The following RB1CC1 variants were observed in gnomAD, a reference collection of about 807,000 sequenced individuals.
RB1CC1 encodes the protein RB1-inducible coiled-coil protein 1.
In RB1CC1, 46 loss-of-function variants were observed where a neutral mutation model predicts 177.5. The observed-to-expected ratio is 0.26, with a 90% CI of 0.20 to 0.33. The LOEUF (loss-of-function observed/expected upper bound fraction) is 0.33. Ranked by LOEUF, RB1CC1 falls within the 10% of genes least tolerant of loss-of-function variation. The pLI, the probability that RB1CC1 is intolerant of heterozygous loss-of-function variation, is 1.00. For missense variants in RB1CC1, 1,703 were observed against 1,816.3 expected (o/e 0.94, Z 1.13); for synonymous variants, 666 against 613.6 (o/e 1.09, Z -1.26).
intron 5 of RB1CC1, among the ~76,000 whole-genome samples, chr8:52,678,780 G>C (rs1461127328): frequency 6.6e-6 from 1 of 152,178 alleles, no homozygotes; most frequent in Non-Finnish European, 1.5e-5. Flanking sequence ...ACAATGATAT[G>C]AATGTAAAGA....
At chr8:52,644,555 T>C (rs1465648468) in intron 16 of RB1CC1, among the ~76,000 whole-genome samples, 1 of 152,192 alleles carries the variant, frequency 6.6e-6, no homozygotes, top group African/African-American at 2.4e-5. Flanking sequence ...GACCTCCTCA[T>C]TGTTAATTCT....
At chr8:52,645,397 G>A (rs1258595745) in intron 16 of RB1CC1, among the ~76,000 whole-genome samples, 2 of 152,138 alleles carry the variant, frequency 1.3e-5, no homozygotes, top group Non-Finnish European at 2.9e-5. Flanking sequence ...CACATAGGTA[G>A]CGAAGAAACC....
chr8:52,630,451 A>T lies in RB1CC1; in HGVS notation c.4499+19T>A. 6.4e-7 allele frequency: 1 copy of T among 1,559,962 alleles called. No homozygotes were observed. The highest frequency in any genetic ancestry group is 1.4e-5 in the African/African-American group (1 of 71,960). Reference sequence around the variant, plus strand: ...GAATGTTTTTCACAGAAAAATACTCACAAAACTAAAATACTTACTCTCTAA... The same window carrying T: ...GAATGTTTTTCACAGAAAAATACTCTCAAAACTAAAATACTTACTCTCTAA... On this transcript the variant is annotated intron_variant, in intron 21 of 23. Coordinates refer to ENST00000025008, the MANE Select transcript of RB1CC1 (RefSeq NM_014781.5).
intron 20 of RB1CC1, among the ~76,000 whole-genome samples, chr8:52,633,651 A>C (rs1848920447): frequency 6.6e-6 from 1 of 152,248 alleles, no homozygotes; most frequent in South Asian, 2.1e-4. Flanking sequence ...AGAAGCCTTA[A>C]ACTGTTCCTA....
chr8:52,657,669 G>A lies in RB1CC1; in HGVS notation c.2160C>T (p.Asp720=). The A allele has an allele frequency of 1.9e-6, 3 of 1,614,112 alleles. No homozygotes were observed. The highest frequency in any genetic ancestry group is 8.5e-7 in the Non-Finnish European group (1 of 1,180,008). ...IEQTIHQVSL[D]LDSLAESPES... ...CAGGACTTTCTGCTAATGAATCCAA[G>A]TCTAAAGAAACTTGGTGAATAGTCT... is the stretch of plus-strand genomic sequence containing the variant. The change falls in exon 15 of 24, where the codon GAC becomes GAT. Residue 720 remains aspartate (D), a synonymous_variant. Transcript: ENST00000025008.
intron 16 of RB1CC1, among the ~76,000 whole-genome samples, chr8:52,643,976 C>T (rs773948740): frequency 3.3e-5 from 5 of 151,880 alleles, no homozygotes; most frequent in Non-Finnish European, 5.9e-5. Context: ...ACAAAGCATA[C>T]AGGAAGATCT....
At position 52,656,143 on chromosome 8, in the gene RB1CC1, T is replaced by C. The variant is rs951480668; in HGVS notation, c.3686A>G (p.Gln1229Arg). Residue 1229 changes from glutamine (Q) to arginine (R), a missense_variant, in exon 15 of 24, where the codon CAG (glutamine) becomes CGG (arginine). By Grantham distance (43) the Gln-to-Arg change is conservative. Coordinates refer to ENST00000025008, the MANE Select transcript of RB1CC1 (RefSeq NM_014781.5). ...LVSSQEQDRE[Q>R]LIQKLNCEKD... ...TTCACAATTAAGCTTCTGAATTAAC[T>C]GTTCTCTGTCTTGCTCCTGGCTGCT... 2 of 1,613,782 alleles carry C rather than the reference T, an allele frequency of 1.2e-6. No individual in the cohort carries two copies. The highest frequency in any genetic ancestry group is 1.7e-6 in the Non-Finnish European group (2 of 1,179,890).
Position 52,714,382 on chromosome 8 carries a change from G to T in RB1CC1, c.-474C>A, listed in dbSNP as rs1281814889. On this transcript the variant is annotated 5_prime_UTR_variant, in exon 1 of 24. Transcript: ENST00000025008. Reference sequence around the variant, plus strand: ...CTGGGGGATTCTGAGGCAACGCCGAGGGCTCGGCAGGGCCGCGGACACCGC... The same window carrying T: ...CTGGGGGATTCTGAGGCAACGCCGATGGCTCGGCAGGGCCGCGGACACCGC... 1 of 152,778 alleles carries T rather than the reference G, an allele frequency of 6.5e-6. No homozygotes were observed. Among genetic ancestry groups the T allele is most frequent in the Admixed American group, 6.5e-5 (1 of 15,288 alleles). The allele number at this position is 152,778 out of a possible 1,614,324, so 9.5% of individuals were successfully genotyped here. A position where few individuals can be genotyped will look rare whatever the true frequency, so the allele number is the denominator to read the frequency against.
chr8:52,628,043 G>C lies in RB1CC1; in HGVS notation c.4625C>G (p.Pro1542Arg), dbSNP rs1848518581. The C allele has an allele frequency of 1.3e-6, 2 of 1,595,428 alleles. No homozygotes were observed. The highest frequency in any genetic ancestry group is 1.7e-6 in the Non-Finnish European group (2 of 1,171,920). ...GGAATGACACTTACCACCCTCACCT[G>C]GTTTGAGATCCAGGGCAGGTAGAGA... ...SESLPALDLKPGEGASGASRR... is the reference protein window; with the variant it reads ...SESLPALDLKRGEGASGASRR... The change falls in exon 22 of 24, where the codon CCA (proline) becomes CGA (arginine). Residue 1542 changes from proline (P) to arginine (R), a missense_variant. By Grantham distance (103) the Pro-to-Arg change is moderately radical. Coordinates refer to ENST00000025008, the MANE Select transcript of RB1CC1 (RefSeq NM_014781.5).
Position 52,657,076 on chromosome 8 carries a change from T to G in RB1CC1, c.2753A>C (p.His918Pro). Residue 918 changes from histidine (H) to proline (P), a missense_variant, in exon 15 of 24, where the codon CAT becomes CCT. This residue lies in a region of RB1CC1 where 1,169 missense variants were observed against 1,184.7 expected (regional missense o/e 0.99). Coordinates refer to ENST00000025008, the MANE Select transcript of RB1CC1 (RefSeq NM_014781.5). ...CAGGCAGATTACAGCTTCTTTTTCA[T>G]GTTTAACCAAAGCAAATTCATTATC... Reference protein sequence around the residue: ...NKDNEFALVKHEKEAVICLQN... With the variant: ...NKDNEFALVKPEKEAVICLQN... 6.2e-7 allele frequency: 1 copy of G among 1,611,818 alleles called. No individual in the cohort carries two copies. Among genetic ancestry groups the G allele is most frequent in the Non-Finnish European group, 8.5e-7 (1 of 1,179,534 alleles).
intron 18 of RB1CC1, among the ~76,000 whole-genome samples, chr8:52,637,658 C>CATGCATTTATTTATTTATTT (rs1554526892): frequency 1.3e-5 from 2 of 151,176 alleles, no homozygotes; most frequent in African/African-American, 4.9e-5. Context: ...AATCTAGATG[C>CATGCATTTATTTATTTATTT]ATTTATTTAT....
chr8:52,706,903 C>T (rs1856611922), intron 1 of RB1CC1, among the ~76,000 whole-genome samples: 1 of 152,088 alleles, frequency 6.6e-6, no homozygotes. Context: ...CCCAAGTGAT[C>T]TGTCTGCCTC....
At chr8:52,713,287 A>AAT (rs1346320808) in intron 1 of RB1CC1, among the ~76,000 whole-genome samples, 2 of 152,364 alleles carry the variant, frequency 1.3e-5, no homozygotes, top group African/African-American at 4.8e-5. Flanking sequence ...CCACACTTTA[A>AAT]AGAGTCATGA....
intron 21 of RB1CC1, 98 bp from the exon 22 acceptor site, chr8:52,628,266 G>T: frequency 8.6e-7 from 1 of 1,165,006 alleles, no homozygotes; most frequent in Non-Finnish European, 1.2e-6. Flanking sequence ...TACATATTAA[G>T]ATATTAATGC....
At chr8:52,690,783 T>C (rs112052200) in intron 1 of RB1CC1, among the ~76,000 whole-genome samples, 13 of 152,320 alleles carry the variant, frequency 8.5e-5, no homozygotes, top group African/African-American at 3.1e-4. Flanking sequence ...CTTACTCAGA[T>C]CACCAACTGT....
chr8:52,690,230 C>G (rs1854701165), intron 1 of RB1CC1, among the ~76,000 whole-genome samples: 1 of 152,200 alleles, frequency 6.6e-6, no homozygotes, highest in South Asian at 2.1e-4. Context: ...ACAGCTTTAT[C>G]TTACAGGAGG....
chr8:52,683,866 A>T, intron 4 of RB1CC1, 21 bp downstream of exon 4: 2 of 1,607,080 alleles, frequency 1.2e-6, no homozygotes, highest in Non-Finnish European at 1.7e-6. Flanking sequence ...TTCTTGTGTG[A>T]AAGGACTCTT....
chr8:52,627,371 A>G (rs1256215992), intron 22 of RB1CC1, among the ~76,000 whole-genome samples: 1 of 152,182 alleles, frequency 6.6e-6, no homozygotes, highest in East Asian at 1.9e-4. Flanking sequence ...ACCTATAAAT[A>G]TATAGATAAG....
chr8:52,645,894 T>A, intron 15 of RB1CC1, 27 bp from the exon 16 acceptor site: 1 of 1,495,820 alleles, frequency 6.7e-7, no homozygotes, highest in Non-Finnish European at 9.0e-7. Flanking sequence ...AGCATTAAAT[T>A]AAAAAAAAAA....
Sources: allele counts gnomAD v4.1 joint callset (sites outside exome capture counted in the v4.1 genomes callset), GRCh38; gene constraint gnomAD v4.1.1; regional missense constraint gnomAD v4.1.1; transcripts MANE v1.5; gene names NCBI Gene and HGNC (gene_info 2026-07-23, HGNC 2026-07-21).